LRP1B: variants seen among roughly 807,000 people sequenced by gnomAD.
LRP1B encodes low-density lipoprotein receptor-related protein 1B.
LRP1B carries 217 observed loss-of-function variants against 556.6 expected under a neutral mutation model. That is an observed-to-expected ratio of 0.39 (90% confidence interval 0.35 to 0.44). LRP1B has a LOEUF of 0.44. LRP1B is among the 20% of genes least tolerant of loss of function. The pLI is 1.00. For synonymous variants in LRP1B, 2,047 were observed against 1,865.8 expected (o/e 1.10, Z -2.50); for missense variants, 5,053 against 5,620.8 (o/e 0.90, Z 3.23).
chr2:141,641,217 G>C (rs2105364581), intron 2 of LRP1B, among the ~76,000 whole-genome samples: 1 of 141,364 alleles, frequency 7.1e-6, no homozygotes, highest in South Asian at 2.3e-4. Context: ...TTACAGTGTG[G>C]TGCTAATAAA....
At chr2:141,536,924 T>C (rs953334832) in intron 2 of LRP1B, among the ~76,000 whole-genome samples, 2 of 151,826 alleles carry the variant, frequency 1.3e-5, no homozygotes, top group Admixed American at 6.6e-5. Context: ...ATTTTTGAAA[T>C]AGAAAATCTT....
chr2:141,001,641 C>T (rs77563192), intron 15 of LRP1B, among the ~76,000 whole-genome samples: 2,833 of 152,114 alleles, frequency 0.019, 42 homozygotes, highest in Non-Finnish European at 0.028. Flanking sequence ...TTTGCTCCTG[C>T]GGCACAGACT....
intron 3 of LRP1B, among the ~76,000 whole-genome samples, chr2:141,465,581 G>T (rs1158197296): frequency 6.8e-6 from 1 of 146,680 alleles, no homozygotes; most frequent in Non-Finnish European, 1.5e-5. Flanking sequence ...ACAAAGTCTG[G>T]CTCTATCGCC....
In LRP1B at chr2:140,274,551, C is replaced by T. The variant is rs1157366415; in HGVS notation, c.13015G>A (p.Asp4339Asn). The T allele has an allele frequency of 1.2e-6, 2 of 1,612,504 alleles. No homozygotes were observed. Among genetic ancestry groups the T allele is most frequent in the Non-Finnish European group, 1.7e-6 (2 of 1,178,998 alleles). ...CVNSESCTIG[D>N]DGSVECVCPT... Reference sequence around the variant, plus strand: ...CAGACACATTCAACACTTCCATCATCCCCAATGGTACATGATTCAGAATTC... The same window carrying T: ...CAGACACATTCAACACTTCCATCATTCCCAATGGTACATGATTCAGAATTC... The change falls in exon 85 of 91, where the codon GAT becomes AAT. Residue 4339 changes from aspartate to asparagine, a missense_variant. Physicochemically the swap from Asp to Asn is conservative, Grantham distance 23. Around this residue, in one of 5 missense-constraint regions of LRP1B, gnomAD observed 551 missense variants for 592.0 expected, o/e 0.93. Coordinates refer to ENST00000389484, the MANE Select transcript of LRP1B (RefSeq NM_018557.3).
At chr2:141,909,524 ACATTTTTT>A (rs1428304665) in intron 1 of LRP1B, among the ~76,000 whole-genome samples, 1 of 104,486 alleles carries the variant, frequency 9.6e-6, no homozygotes, top group Non-Finnish European at 1.9e-5. Context: ...AAGGTCTCAG[ACATTTTTT>A]TTTTTTTTTT....
intron 1 of LRP1B, among the ~76,000 whole-genome samples, chr2:141,895,896 G>T: frequency 6.6e-6 from 1 of 151,952 alleles, no homozygotes; most frequent in East Asian, 1.9e-4. Context: ...TAGGGGCATT[G>T]CTTTTTATTT....
chr2:140,700,659 T>C, intron 40 of LRP1B, 38 bp from the exon 41 acceptor site: 1 of 1,583,310 alleles, frequency 6.3e-7, no homozygotes, highest in Admixed American at 1.9e-5. Context: ...CACATGTTTA[T>C]GTTTTTCTTT....
intron 2 of LRP1B, among the ~76,000 whole-genome samples, chr2:141,698,698 T>C (rs1196239133): frequency 1.3e-5 from 2 of 150,204 alleles, no homozygotes; most frequent in African/African-American, 4.9e-5. Context: ...AATTACTCAA[T>C]AGCAACTGCA....
chr2:141,060,001 C>T (rs1440576386), intron 8 of LRP1B, among the ~76,000 whole-genome samples: 3 of 151,740 alleles, frequency 2.0e-5, no homozygotes, highest in African/African-American at 7.3e-5. Context: ...ATATTGCACA[C>T]TTTTAATACA....
chr2:141,062,447 G>C (rs1325272920), intron 7 of LRP1B, among the ~76,000 whole-genome samples, 174 bp from the exon 8 acceptor site: 1 of 151,790 alleles, frequency 6.6e-6, no homozygotes, highest in Non-Finnish European at 1.5e-5. Flanking sequence ...ATCTGCTAAT[G>C]AATATTGCAG....
intron 7 of LRP1B, among the ~76,000 whole-genome samples, chr2:141,128,898 T>C (rs1246319273): frequency 1.3e-5 from 2 of 152,198 alleles, no homozygotes; most frequent in African/African-American, 4.8e-5. Flanking sequence ...ACATAAGTTA[T>C]ATCATCCTAC....
chr2:140,547,029 T>C (rs1339964475), intron 43 of LRP1B, among the ~76,000 whole-genome samples: 4 of 152,174 alleles, frequency 2.6e-5, no homozygotes, highest in African/African-American at 9.6e-5. Context: ...ATAAGCTTTT[T>C]GATGTGCTGC....
chr2:140,529,436 G>GC (rs371856495), intron 47 of LRP1B, among the ~76,000 whole-genome samples: 2,832 of 114,480 alleles, frequency 0.025, 101 homozygotes, highest in African/African-American at 0.095. Flanking sequence ...CTGAAAAGGG[G>GC]GGGGGGAAGC....
intron 46 of LRP1B, among the ~76,000 whole-genome samples, chr2:140,535,591 T>C (rs559211804): frequency 6.6e-6 from 1 of 152,226 alleles, no homozygotes; most frequent in Admixed American, 6.6e-5. Context: ...AGATATAAAA[T>C]GAGGCAGTTT....
At chr2:141,012,318 T>C (rs952011682) in intron 14 of LRP1B, among the ~76,000 whole-genome samples, 2 of 152,038 alleles carry the variant, frequency 1.3e-5, no homozygotes, top group African/African-American at 2.4e-5. Context: ...CGTATATTGA[T>C]TGGATTGTGA....
chr2:141,410,118 A>C (rs1690795558), intron 3 of LRP1B, among the ~76,000 whole-genome samples: 1 of 152,086 alleles, frequency 6.6e-6, no homozygotes, highest in Non-Finnish European at 1.5e-5. Context: ...TAGATGCTTC[A>C]TTGCAGACTT....
chr2:140,296,553 A>T (rs570633982), intron 84 of LRP1B, among the ~76,000 whole-genome samples: 1 of 149,656 alleles, frequency 6.7e-6, no homozygotes, highest in East Asian at 1.9e-4. Context: ...GATGATGTTT[A>T]AAAAAACACG....
At chr2:140,267,414 T>C (rs1206957810) in intron 86 of LRP1B, among the ~76,000 whole-genome samples, 3 of 152,026 alleles carry the variant, frequency 2.0e-5, no homozygotes, top group Non-Finnish European at 4.4e-5. Context: ...AAATATGGCA[T>C]TGTGTTTGCA....
chr2:142,063,248 G>T (rs1274640843), intron 1 of LRP1B, among the ~76,000 whole-genome samples: 1 of 151,452 alleles, frequency 6.6e-6, no homozygotes, highest in Non-Finnish European at 1.5e-5. Flanking sequence ...TAATCACCAT[G>T]AATTTGCAAT....
Sources: allele counts gnomAD v4.1 joint callset (sites outside exome capture counted in the v4.1 genomes callset), GRCh38; gene constraint gnomAD v4.1.1; regional missense constraint gnomAD v4.1.1; transcripts MANE v1.5; gene names NCBI Gene and HGNC (gene_info 2026-07-23, HGNC 2026-07-21).